The following CDH9 variants were observed in gnomAD, a reference collection of about 807,000 sequenced individuals.
CDH9 encodes cadherin 9.
Under a neutral mutation model 70.9 loss-of-function variants are expected in CDH9, and 28 were observed. The ratio of observed to expected loss-of-function variants is 0.40; its 90% CI spans 0.29 to 0.54. CDH9 has a LOEUF of 0.54. Ranked by LOEUF, CDH9 falls within the 20% of genes least tolerant of loss-of-function variation. The pLI is 0.59. For synonymous variants in CDH9, 409 were observed against 343.1 expected (o/e 1.19, Z -2.12); for missense variants, 874 against 984.4 (o/e 0.89, Z 1.50).
At chr5:26,968,485 C>A (rs1742165246) in intron 2 of CDH9, among the ~76,000 whole-genome samples, 3 of 151,630 alleles carry the variant, frequency 2.0e-5, no homozygotes, top group East Asian at 2.0e-4. Context: ...GGTGTTTCAT[C>A]ATGTTGGCCA....
At chr5:26,975,031 TA>T in intron 2 of CDH9, among the ~76,000 whole-genome samples, 1 of 152,166 alleles carries the variant, frequency 6.6e-6, no homozygotes, top group Middle Eastern at 3.4e-3. Flanking sequence ...TATAATAGAA[TA>T]AAAAAACAGA....
intron 2 of CDH9, among the ~76,000 whole-genome samples, chr5:26,921,779 G>T (rs1288669068): frequency 6.6e-6 from 1 of 151,918 alleles, no homozygotes; most frequent in Non-Finnish European, 1.5e-5. Flanking sequence ...GTGAGTCTAA[G>T]AACCGAGGAC....
intron 1 of CDH9, among the ~76,000 whole-genome samples, chr5:26,999,150 C>T (rs1001393389): frequency 2.6e-5 from 4 of 151,916 alleles, no homozygotes; most frequent in Admixed American, 6.6e-5. Flanking sequence ...GAGGCTGAGG[C>T]AGGGGAATCA....
intron 1 of CDH9, among the ~76,000 whole-genome samples, chr5:27,026,426 T>C (rs539871595): frequency 2.0e-5 from 3 of 151,984 alleles, no homozygotes; most frequent in Admixed American, 2.0e-4. Context: ...TTGGATCCAA[T>C]TCAAATGTCA....
In CDH9 at chr5:26,880,901, C is replaced by A; in HGVS notation, c.*235G>T. ...TTGATTATTGATGTGATATATTTTCCTTCCGAGATTGTTAGGCAAAGAGGG... is the reference window on the plus strand; with the variant it reads ...TTGATTATTGATGTGATATATTTTCATTCCGAGATTGTTAGGCAAAGAGGG... On this transcript the variant is annotated 3_prime_UTR_variant, in exon 12 of 12. Coordinates refer to ENST00000231021, the MANE Select transcript of CDH9 (RefSeq NM_016279.4). The A allele has an allele frequency of 2.9e-6, 1 of 348,520 alleles. No homozygotes were observed. The allele number at this position is 348,520 out of a possible 1,614,324, so 21.6% of individuals were successfully genotyped here.
At chr5:27,018,422 C>A (rs968118351) in intron 1 of CDH9, among the ~76,000 whole-genome samples, 3 of 151,546 alleles carry the variant, frequency 2.0e-5, no homozygotes, top group Non-Finnish European at 4.4e-5. Flanking sequence ...TAATTGAAGA[C>A]AAAATATTAT....
chr5:26,903,440 C>A (rs1345701577), intron 6 of CDH9, 197 bp downstream of exon 6: 1 of 679,164 alleles, frequency 1.5e-6, no homozygotes, highest in Non-Finnish European at 2.7e-6. Context: ...TTAGCATGAA[C>A]AACTGAGGTT....
chr5:26,963,519 G>T (rs1002953564), intron 2 of CDH9, among the ~76,000 whole-genome samples: 3 of 151,968 alleles, frequency 2.0e-5, no homozygotes, highest in East Asian at 3.9e-4. Flanking sequence ...TTGAAAAGTT[G>T]TAAAATTAGC....
chr5:26,989,996 A>T (rs1031697075), intron 1 of CDH9, among the ~76,000 whole-genome samples: 1 of 152,166 alleles, frequency 6.6e-6, no homozygotes, highest in Admixed American at 6.5e-5. Context: ...AGTTTAAGTA[A>T]CATGACAAAA....
chr5:26,954,486 G>A (rs1295485084), intron 2 of CDH9, among the ~76,000 whole-genome samples: 1 of 136,500 alleles, frequency 7.3e-6, no homozygotes, highest in Non-Finnish European at 1.5e-5. Context: ...CCGGGTTCAC[G>A]CCATTCGCCT....
chr5:26,988,523 G>C (rs3811918), intron 1 of CDH9, 141 bp from the exon 2 acceptor site: 254,721 of 613,276 alleles, frequency 0.42, 58,655 homozygotes, highest in Non-Finnish European at 0.47. Context: ...ATCAGTGAAC[G>C]GTCATGAAAA....
chr5:27,033,646 C>T (rs1743345851), intron 1 of CDH9, among the ~76,000 whole-genome samples: 1 of 150,996 alleles, frequency 6.6e-6, no homozygotes, highest in African/African-American at 2.4e-5. Context: ...AAACAAAAAA[C>T]AAAAAAACAC....
chr5:26,902,572 A>G lies in CDH9; in HGVS notation c.1157T>C (p.Val386Ala). 1 of 1,595,546 alleles carries G rather than the reference A, an allele frequency of 6.3e-7. No individual in the cohort carries two copies. The highest frequency in any genetic ancestry group is 8.6e-7 in the Non-Finnish European group (1 of 1,163,476). ...TTCATCTACTTCTATCAAGTAAGAG[A>G]CTTTAGTGAACACAGGAGGCTCATC... is the stretch of plus-strand genomic sequence containing the variant. ...DIDEPPVFTK[V>A]SYLIEVDEDV... The change falls in exon 7 of 12, where the codon GTC (valine) becomes GCC (alanine). Residue 386 changes from valine (V) to alanine (A), a missense_variant. Transcript: ENST00000231021.
At chr5:26,997,283 G>T (rs1174807216) in intron 1 of CDH9, among the ~76,000 whole-genome samples, 1 of 152,038 alleles carries the variant, frequency 6.6e-6, no homozygotes, top group East Asian at 1.9e-4. Flanking sequence ...GTATGTGTGT[G>T]TGTGTGTGTA....
At chr5:26,883,413 G>T (rs901775092) in intron 11 of CDH9, among the ~76,000 whole-genome samples, 2 of 151,574 alleles carry the variant, frequency 1.3e-5, no homozygotes, top group African/African-American at 2.4e-5. Context: ...TTAGATTGAG[G>T]TTATTAATCT....
At chr5:26,901,951 T>C (rs1237033065) in intron 7 of CDH9, among the ~76,000 whole-genome samples, 2 of 151,946 alleles carry the variant, frequency 1.3e-5, no homozygotes, top group Non-Finnish European at 2.9e-5. Context: ...TTTTGATATG[T>C]GTTAGGCCCA....
intron 2 of CDH9, among the ~76,000 whole-genome samples, chr5:26,940,361 C>T (rs1219224898): frequency 6.6e-6 from 1 of 151,924 alleles, no homozygotes; most frequent in African/African-American, 2.4e-5. Context: ...TTCCCAGGAT[C>T]CTATAGTAGC....
intron 1 of CDH9, among the ~76,000 whole-genome samples, chr5:27,026,663 G>A (rs1194057521): frequency 2.6e-5 from 4 of 151,718 alleles, no homozygotes; most frequent in Admixed American, 6.6e-5. Flanking sequence ...AGTAAAGTTT[G>A]AACAAACATT....
intron 2 of CDH9, among the ~76,000 whole-genome samples, chr5:26,953,014 T>C (rs1282830320): frequency 6.6e-6 from 1 of 151,926 alleles, no homozygotes; most frequent in Non-Finnish European, 1.5e-5. Flanking sequence ...GGATGTTATA[T>C]AATTGATATT....
Sources: gnomAD v4.1 joint callset for allele counts (sites outside exome capture counted in the v4.1 genomes callset) on GRCh38, gnomAD v4.1.1 for gene constraint, MANE v1.5 for transcripts, NCBI Gene and HGNC (gene_info 2026-07-23, HGNC 2026-07-21) for gene names.